GLDC: variants seen among roughly 807,000 people sequenced by gnomAD.
The protein encoded by GLDC is glycine decarboxylase, also known as glycine dehydrogenase (decarboxylating), mitochondrial.
In GLDC, 104 loss-of-function variants were observed where a neutral mutation model predicts 121.3. That is an observed-to-expected ratio of 0.86 (90% CI 0.73 to 1.01). GLDC has a LOEUF of 1.01. Among genes scored for constraint, GLDC ranks in the 50% least tolerant of loss-of-function variants. The probability of loss-of-function intolerance (pLI) is 0.00; values close to 1 mark genes in which losing one functional copy is unlikely to be tolerated. For missense variants in GLDC, 1,429 were observed against 1,306.6 expected, an observed-to-expected ratio of 1.09 and a Z score of -1.44; for synonymous variants, 546 against 480.6, an observed-to-expected ratio of 1.14 and a Z score of -1.78.
rs141351353 is a variant in GLDC, at chr9:6,589,377, C to T, written c.1483-85G>A. On this transcript the variant is annotated intron_variant, in intron 11 of 24. Coordinates refer to ENST00000321612, the MANE Select transcript of GLDC (RefSeq NM_000170.3). ...TCCAGGCTTCTGGGTGGCTGGGCCA[C>T]AAAGCACTCAAAATGGATCAAATAT... 0.011 allele frequency: 8,694 copies of T among 776,674 alleles called. 84 individuals carry two copies. The highest frequency in any genetic ancestry group is 0.014 in the South Asian group (998 of 72,710). The allele number at this position is 776,674 out of a possible 1,614,324, so 48.1% of individuals were successfully genotyped here.
At chr9:6,586,777 C>T (rs1425733265) in intron 15 of GLDC, among the ~76,000 whole-genome samples, 1 of 152,162 alleles carries the variant, frequency 6.6e-6, no homozygotes, top group Non-Finnish European at 1.5e-5. Flanking sequence ...TGCAGTGTAA[C>T]TTAGGAGGTT....
At chr9:6,579,023 C>A (rs1232813155) in intron 15 of GLDC, among the ~76,000 whole-genome samples, 1 of 152,126 alleles carries the variant, frequency 6.6e-6, no homozygotes, top group Non-Finnish European at 1.5e-5. Flanking sequence ...GTTAAGAAAT[C>A]ATTTATTTCT....
intron 17 of GLDC, 195 bp downstream of exon 17, chr9:6,558,364 C>T (rs1587926652): frequency 1.4e-6 from 1 of 714,246 alleles, no homozygotes; most frequent in Admixed American, 2.0e-5. Flanking sequence ...CAGTTTTTTA[C>T]ACAAGCTGGA....
At chr9:6,554,594 G>A in intron 19 of GLDC, 75 bp downstream of exon 19, 1 of 992,736 alleles carries the variant, frequency 1.0e-6, no homozygotes, top group Admixed American at 1.9e-5. Flanking sequence ...ACTTTGATGG[G>A]ATGAGTAGTC....
At chr9:6,594,936 G>C (rs1445326037) in intron 9 of GLDC, 78 bp downstream of exon 9, 22 of 860,614 alleles carry the variant, frequency 2.6e-5, no homozygotes, top group Non-Finnish European at 3.8e-5. Flanking sequence ...TATAGTATTG[G>C]ACATGCAATA....
chr9:6,639,467 TA>T, intron 2 of GLDC: 3 of 901,528 alleles, frequency 3.3e-6, no homozygotes, highest in Non-Finnish European at 5.5e-6. Context: ...AGCACCAGAT[TA>T]AACAGGCTGT....
intron 18 of GLDC, among the ~76,000 whole-genome samples, chr9:6,555,605 C>T (rs990867007): frequency 4.6e-5 from 7 of 151,936 alleles, no homozygotes; most frequent in African/African-American, 1.7e-4. Context: ...CCCATCTCTA[C>T]TAAAATACAA....
intron 2 of GLDC, among the ~76,000 whole-genome samples, chr9:6,623,624 T>TA (rs200848942): frequency 1.3e-5 from 2 of 150,270 alleles, no homozygotes; most frequent in Admixed American, 6.6e-5. Flanking sequence ...AAAAAAAAAA[T>TA]AAAAAAAGAG....
chr9:6,593,566 C>G (rs556069402), intron 9 of GLDC, among the ~76,000 whole-genome samples: 5 of 151,232 alleles, frequency 3.3e-5, no homozygotes, highest in African/African-American at 1.2e-4. Context: ...CCTCCCAAAA[C>G]GATGGGATTA....
chr9:6,592,123 C>T lies in GLDC; in HGVS notation c.1482+20G>A, dbSNP rs576758577. 2.1e-6 allele frequency: 3 copies of T among 1,444,782 alleles called. No homozygotes were observed. Among genetic ancestry groups the T allele is most frequent in the African/African-American group, 2.8e-5 (2 of 71,916 alleles). The allele number at this position is 1,444,782 out of a possible 1,614,324, so 89.5% of individuals were successfully genotyped here. ...CCTCCAATAGTTATGATGAGGAACG[C>T]ATGTTTTTATTTTACTTACTGCAGA... On this transcript the variant is annotated intron_variant, in intron 11 of 24. Coordinates refer to ENST00000321612, the MANE Select transcript of GLDC (RefSeq NM_000170.3).
At chr9:6,560,930 G>A (rs942253042) in intron 16 of GLDC, among the ~76,000 whole-genome samples, 9 of 152,342 alleles carry the variant, frequency 5.9e-5, no homozygotes, top group Non-Finnish European at 1.3e-4. Context: ...GGGAAGCAGA[G>A]GGAGATGGGA....
intron 12 of GLDC, 131 bp downstream of exon 12, chr9:6,589,064 G>T: frequency 2.7e-6 from 2 of 746,370 alleles, no homozygotes; most frequent in East Asian, 5.0e-5. Context: ...TTATGAGGAT[G>T]AAATACTTGG....
chr9:6,571,589 G>A (rs1184471971), intron 15 of GLDC, among the ~76,000 whole-genome samples: 1 of 152,160 alleles, frequency 6.6e-6, no homozygotes. Flanking sequence ...CAGCTACTAA[G>A]TGACTGATGG....
intron 14 of GLDC, among the ~76,000 whole-genome samples, 188 bp downstream of exon 14, chr9:6,588,213 T>A (rs978714718): frequency 6.6e-6 from 1 of 152,144 alleles, no homozygotes; most frequent in Non-Finnish European, 1.5e-5. Flanking sequence ...ACCCATACAT[T>A]TAAATGATGA....
At chr9:6,583,757 C>A (rs927631556) in intron 15 of GLDC, among the ~76,000 whole-genome samples, 1 of 152,156 alleles carries the variant, frequency 6.6e-6, no homozygotes, top group South Asian at 2.1e-4. Context: ...GTGAAATAAG[C>A]CAGACACAAA....
intron 16 of GLDC, among the ~76,000 whole-genome samples, chr9:6,560,782 C>A (rs1027093169): frequency 1.3e-5 from 2 of 152,198 alleles, no homozygotes; most frequent in African/African-American, 2.4e-5. Flanking sequence ...TGTCCTAATC[C>A]TCGGAACCTG....
intron 15 of GLDC, among the ~76,000 whole-genome samples, chr9:6,575,345 A>G (rs921353407): frequency 2.0e-5 from 3 of 152,194 alleles, no homozygotes; most frequent in Non-Finnish European, 4.4e-5. Context: ...TAATTCTAAC[A>G]TGCAGCCAGG....
intron 2 of GLDC, among the ~76,000 whole-genome samples, chr9:6,625,136 C>G (rs1452162744): frequency 6.6e-6 from 1 of 152,180 alleles, no homozygotes; most frequent in Non-Finnish European, 1.5e-5. Context: ...CTTAAGAGAG[C>G]TGGTGCTATG....
intron 3 of GLDC, among the ~76,000 whole-genome samples, chr9:6,616,944 T>C (rs1221197878): frequency 6.6e-6 from 1 of 152,176 alleles, no homozygotes; most frequent in Non-Finnish European, 1.5e-5. Flanking sequence ...CAGAAATAGC[T>C]ACAAGGAATA....
Sources: allele counts gnomAD v4.1 joint callset (sites outside exome capture counted in the v4.1 genomes callset), GRCh38; gene constraint gnomAD v4.1.1; transcripts MANE v1.5; gene names NCBI Gene and HGNC (gene_info 2026-07-23, HGNC 2026-07-21).